The following CACNA1A variants were observed in gnomAD, a reference collection of about 807,000 sequenced individuals.
The protein encoded by CACNA1A is calcium voltage-gated channel subunit alpha1 A, also known as voltage-dependent P/Q-type calcium channel subunit alpha-1A.
Under a neutral mutation model 262.4 loss-of-function variants are expected in CACNA1A, and 57 were observed. The observed-to-expected ratio is 0.22, with a 90% confidence interval of 0.18 to 0.27. The LOEUF (loss-of-function observed/expected upper bound fraction) is 0.27, where lower values mean the gene tolerates loss of function less well. Ranked by LOEUF, CACNA1A falls within the 10% of genes least tolerant of loss-of-function variation. The pLI is 1.00. For synonymous variants in CACNA1A, 1,431 were observed against 1,419.3 expected, an observed-to-expected ratio of 1.01 and a Z score of -0.18; for missense variants, 2,526 against 3,562.8, an observed-to-expected ratio of 0.71 and a Z score of 7.41.
chr19:13,324,151 G>A (rs776966996), intron 10 of CACNA1A, among the ~76,000 whole-genome samples: 2 of 152,162 alleles, frequency 1.3e-5, no homozygotes, highest in Non-Finnish European at 2.9e-5. Flanking sequence ...GACAATTACA[G>A]TATGATCTCA....
At chr19:13,211,839 G>A in intron 43 of CACNA1A, 1 of 435,022 alleles carries the variant, frequency 2.3e-6, no homozygotes, top group South Asian at 3.2e-5. Context: ...AGGGCAGCCA[G>A]AGACCATTTT....
chr19:13,465,496 G>GT (rs774753373), intron 1 of CACNA1A, among the ~76,000 whole-genome samples: 2 of 151,922 alleles, frequency 1.3e-5, no homozygotes, highest in South Asian at 4.2e-4. Flanking sequence ...GTTTTGTTTT[G>GT]TTTTTTGAGA....
At chr19:13,209,224 T>TCTTCCTTAGTGTCTCCTC (rs1236452063) in intron 45 of CACNA1A, 88 bp downstream of exon 45, 4 of 1,401,070 alleles carry the variant, frequency 2.9e-6, no homozygotes, top group Non-Finnish European at 3.8e-6. Context: ...CTCCCTTTCT[T>TCTTCCTTAGTGTCTCCTC]CTTCCTTAGT....
intron 15 of CACNA1A, among the ~76,000 whole-genome samples, chr19:13,304,981 C>T (rs2057872074): frequency 1.3e-5 from 2 of 152,172 alleles, no homozygotes; most frequent in East Asian, 3.8e-4. Context: ...GTGGATAGCA[C>T]AAATGTAGCA....
chr19:13,367,746 GA>G (rs1229540020), intron 4 of CACNA1A, among the ~76,000 whole-genome samples: 1 of 151,904 alleles, frequency 6.6e-6, no homozygotes, highest in Non-Finnish European at 1.5e-5. Context: ...AGAAGGCAGG[GA>G]ACAGTCCCCG....
Position 13,209,409 on chromosome 19 carries a change from G to C in CACNA1A, c.6429C>G (p.Val2143=). ...GGTGCCGCTGGTTCTCCTCGGGCGG[G>C]ACCCGCTCCAGCGAGTAATCGTCCA... ...RRLDDYSLER[V]PPEENQRHHQ... Residue 2143 remains valine (V), a synonymous_variant, in exon 45 of 47, where the codon GTC becomes GTG. Coordinates refer to ENST00000360228, the MANE Select transcript of CACNA1A (RefSeq NM_001127222.2). 1 of 1,398,494 alleles carries C rather than the reference G, an allele frequency of 7.2e-7. No individual in the cohort carries two copies. The highest frequency in any genetic ancestry group is 9.3e-7 in the Non-Finnish European group (1 of 1,072,770). The allele number at this position is 1,398,494 out of a possible 1,614,324, so 86.6% of individuals were successfully genotyped here.
chr19:13,415,412 C>A (rs1209998722), intron 3 of CACNA1A, among the ~76,000 whole-genome samples: 2 of 151,998 alleles, frequency 1.3e-5, no homozygotes, highest in East Asian at 3.9e-4. Context: ...GGATGTTCCT[C>A]CCTTGTCTTC....
chr19:13,249,674 C>T (rs1473418320), intron 30 of CACNA1A, among the ~76,000 whole-genome samples: 2 of 152,038 alleles, frequency 1.3e-5, no homozygotes, highest in Admixed American at 1.3e-4. Context: ...TATTGAGTGC[C>T]CATGCCAGGC....
At chr19:13,224,621 TC>T in intron 38 of CACNA1A, 45 bp downstream of exon 38, 1 of 1,343,270 alleles carries the variant, frequency 7.4e-7, no homozygotes, top group Non-Finnish European at 1.0e-6. Context: ...GATCCCCGGT[TC>T]CACCCTGTCA....
At chr19:13,228,422 C>T (rs1465686830) in intron 36 of CACNA1A, among the ~76,000 whole-genome samples, 3 of 151,618 alleles carry the variant, frequency 2.0e-5, no homozygotes, top group African/African-American at 7.3e-5. Context: ...TTTGGGGTGC[C>T]GTGGAGACCC....
At chr19:13,222,641 C>T (rs555011304) in intron 38 of CACNA1A, among the ~76,000 whole-genome samples, 1 of 151,758 alleles carries the variant, frequency 6.6e-6, no homozygotes, top group Non-Finnish European at 1.5e-5. Context: ...ATGATCTGCC[C>T]GCCTCGGCCT....
At chr19:13,422,272 G>A (rs1412816200) in intron 3 of CACNA1A, among the ~76,000 whole-genome samples, 1 of 152,188 alleles carries the variant, frequency 6.6e-6, no homozygotes, top group African/African-American at 2.4e-5. Flanking sequence ...AGTGAGCTGT[G>A]ACTGTACCAC....
At chr19:13,474,278 T>C (rs1978312364) in intron 1 of CACNA1A, among the ~76,000 whole-genome samples, 1 of 152,170 alleles carries the variant, frequency 6.6e-6, no homozygotes, top group Admixed American at 6.6e-5. Flanking sequence ...GGCAGGATAT[T>C]TGCAACAGCT....
chr19:13,226,589 T>C (rs2055457547), intron 37 of CACNA1A: 1 of 152,190 alleles, frequency 6.6e-6, no homozygotes, highest in Admixed American at 6.5e-5. Flanking sequence ...CATCTGTCCT[T>C]GGGCACCAAG....
At chr19:13,232,981 A>C (rs2055724823) in intron 34 of CACNA1A, among the ~76,000 whole-genome samples, 2 of 149,296 alleles carry the variant, frequency 1.3e-5, no homozygotes, top group Admixed American at 1.3e-4. Context: ...CCTGGGAGGC[A>C]GAAGTTGCGC....
intron 1 of CACNA1A, among the ~76,000 whole-genome samples, chr19:13,498,840 C>A (rs1038827969): frequency 6.6e-6 from 1 of 152,120 alleles, no homozygotes; most frequent in Non-Finnish European, 1.5e-5. Context: ...GGGTGACCAG[C>A]GTCCCAGTTT....
At chr19:13,429,170 AC>A (rs2060457114) in intron 3 of CACNA1A, among the ~76,000 whole-genome samples, 1 of 11,358 alleles carries the variant, frequency 8.8e-5, no homozygotes, top group Non-Finnish European at 4.7e-4. Context: ...CTGTGCGTAC[AC>A]ACACACACAC....
intron 1 of CACNA1A, among the ~76,000 whole-genome samples, chr19:13,497,466 C>A (rs562727234): frequency 2.5e-5 from 2 of 79,160 alleles, no homozygotes; most frequent in Non-Finnish European, 4.7e-5. Context: ...CCAGCCTGGG[C>A]AACAAGAATG....
chr19:13,206,717 A>G lies in CACNA1A; in HGVS notation c.*596T>C, dbSNP rs1252495937. ...TAAATTGATTTCTGCAGGCAGTAAT[A>G]GTAGGGTTTGGTATAACCGGCAAGC... On this transcript the variant is annotated 3_prime_UTR_variant, in exon 47 of 47. Transcript: ENST00000360228. 1.9e-5 allele frequency: 3 copies of G among 154,050 alleles called. No individual in the cohort carries two copies. Among genetic ancestry groups the G allele is most frequent in the African/African-American group, 7.2e-5 (3 of 41,428 alleles). The allele number at this position is 154,050 out of a possible 1,614,324, so 9.5% of individuals were successfully genotyped here.
Sources: gnomAD v4.1 joint callset for allele counts (sites outside exome capture counted in the v4.1 genomes callset) on GRCh38, gnomAD v4.1.1 for gene constraint, MANE v1.5 for transcripts, NCBI Gene and HGNC (gene_info 2026-07-23, HGNC 2026-07-21) for gene names.